Variants in TOP1 observed in about 807,000 individuals in gnomAD.
TOP1 encodes the protein DNA topoisomerase 1.
In TOP1, 10 loss-of-function variants were observed where a neutral mutation model predicts 111.1. The observed-to-expected ratio is 0.09, with a 90% CI of 0.06 to 0.15. TOP1 has a LOEUF of 0.15. TOP1 is among the 10% of genes least tolerant of loss of function. The pLI is 1.00. For missense variants in TOP1, 474 were observed against 926.7 expected (o/e 0.51, Z 6.34); for synonymous variants, 271 against 302.9 (o/e 0.89, Z 1.10).
chr20:41,114,291 G>A lies in TOP1; in HGVS notation c.1638+136G>A. 1.4e-6 allele frequency: 1 copy of A among 719,054 alleles called. No individual in the cohort carries two copies. Among genetic ancestry groups the A allele is most frequent in the Non-Finnish European group, 2.3e-6 (1 of 427,646 alleles). The allele number at this position is 719,054 out of a possible 1,614,324, so 44.5% of individuals were successfully genotyped here. On this transcript the variant is annotated intron_variant, in intron 15 of 20. Transcript: ENST00000361337. The surrounding 1 kb of genome is among the most constrained non-coding windows in gnomAD (Gnocchi z 4.5). ...GAGACAGGCAACATGGCACATGCCT[G>A]TAGACCCAGCTATTCAGAAGGCTGA...
rs566727454 is a variant in TOP1, at chr20:41,088,522, A to G, written c.615-3950A>G. 2.2e-4 allele frequency among the ~76,000 whole-genome samples: 34 copies of G among 152,222 alleles called. No homozygotes were observed. The South Asian group carries it at 5.4e-3, about 24-fold the overall frequency. On this transcript the variant is annotated intron_variant, in intron 8 of 20. Coordinates refer to ENST00000361337, the MANE Select transcript of TOP1 (RefSeq NM_003286.4). ...TGTCTCAAAAAATAAATAAATAAAT[A>G]AAAACACTGTAGTCGATGAGAAGAA...
chr20:41,114,163 A>C lies in TOP1; in HGVS notation c.1638+8A>C. On this transcript the variant is annotated splice_region_variant and intron_variant, in intron 15 of 20. Transcript: ENST00000361337. The surrounding 1 kb of genome is among the most constrained non-coding windows in gnomAD (Gnocchi z 4.5). The stretch of plus-strand genomic sequence containing the variant: ...GTCCCTGTTGAGAAACGAGTAAGTT[A>C]ATGTACCTGTACTGTCTGACTTGTT... 6.2e-7 allele frequency: 1 copy of C among 1,609,234 alleles called. No homozygotes were observed.
rs550004782 is a variant in TOP1 at position 41,114,334 on chromosome 20, A to G, written c.1638+179A>G. 1.3e-5 allele frequency among the ~76,000 whole-genome samples: 2 copies of G among 152,240 alleles called. No homozygotes were observed. Among genetic ancestry groups the G allele is most frequent in the Non-Finnish European group, 2.9e-5 (2 of 68,040 alleles). On this transcript the variant is annotated intron_variant, in intron 15 of 20. Coordinates refer to ENST00000361337, the MANE Select transcript of TOP1 (RefSeq NM_003286.4). This position sits in a 1 kb window ranked among gnomAD's most constrained non-coding sequence, Gnocchi z 4.5. ...AAGGCTGAGACAGGAGGATCACTGG[A>G]GACCAAAAGTTTGAGGCTGTAGTGT... is the stretch of plus-strand genomic sequence containing the variant.
chr20:41,048,118 G>C (rs1349438004), intron 2 of TOP1, among the ~76,000 whole-genome samples: 1 of 149,856 alleles, frequency 6.7e-6, no homozygotes, highest in Non-Finnish European at 1.5e-5. Flanking sequence ...AAATTCCCCA[G>C]AGGCTGACTC....
At chr20:41,065,876 G>T (rs2033600441) in intron 3 of TOP1, among the ~76,000 whole-genome samples, 1 of 151,912 alleles carries the variant, frequency 6.6e-6, no homozygotes. Flanking sequence ...CATTCTCCGG[G>T]GTGTATACCT....
intron 18 of TOP1, among the ~76,000 whole-genome samples, chr20:41,119,432 T>C (rs1485573213): frequency 1.3e-5 from 2 of 152,180 alleles, no homozygotes; most frequent in East Asian, 3.8e-4. Flanking sequence ...CTGGGCAACA[T>C]AGTGAGACCC....
In TOP1 at chr20:41,077,637, G is replaced by C; in HGVS notation, c.335G>C (p.Ser112Thr). The C allele has an allele frequency of 6.2e-7, 1 of 1,613,972 alleles. No homozygotes were observed. The highest frequency in any genetic ancestry group is 8.5e-7 in the Non-Finnish European group (1 of 1,179,818). ...IKKEKENGFSSPPQIKDEPED... is the reference protein window; with the variant it reads ...IKKEKENGFSTPPQIKDEPED... ...AAGGAGAAGGAAAATGGCTTCTCTA[G>C]GTAAGACTTTGCTGCTGCGTGGGCT... Residue 112 changes from serine (S) to threonine (T), a missense_variant and splice_region_variant, in exon 5 of 21, where the codon AGT becomes ACT. Transcript: ENST00000361337.
intron 2 of TOP1, among the ~76,000 whole-genome samples, chr20:41,040,329 A>C (rs1341170102): frequency 6.6e-6 from 1 of 152,254 alleles, no homozygotes. Context: ...CCTTAATCAT[A>C]CAGTCAGTGC....
chr20:41,044,635 T>C (rs545270683), intron 2 of TOP1, among the ~76,000 whole-genome samples: 1 of 152,346 alleles, frequency 6.6e-6, no homozygotes, highest in South Asian at 2.1e-4. Flanking sequence ...AGTCCTTGAC[T>C]GGGCTGCAAT....
intron 2 of TOP1, among the ~76,000 whole-genome samples, chr20:41,052,261 G>A (rs1161440237): frequency 6.6e-6 from 1 of 152,128 alleles, no homozygotes; most frequent in Non-Finnish European, 1.5e-5. Context: ...TCCTTCAGAG[G>A]TCCCTAAAGG....
In TOP1 at chr20:41,112,426, C is replaced by G. The variant is rs771942268; in HGVS notation, c.1309-356C>G. Among the ~76,000 whole-genome samples the G allele has an allele frequency of 1.3e-5, 2 of 152,192 alleles. No individual in the cohort carries two copies. The highest frequency in any genetic ancestry group is 2.9e-5 in the Non-Finnish European group (2 of 68,024). On this transcript the variant is annotated intron_variant, in intron 13 of 20. Coordinates refer to ENST00000361337, the MANE Select transcript of TOP1 (RefSeq NM_003286.4). This position sits in a 1 kb window ranked among gnomAD's most constrained non-coding sequence, Gnocchi z 5.8. The stretch of plus-strand genomic sequence containing the variant: ...TTAGAGAATTAGAGCTAGAAACTTT[C>G]TTCTGGGAAAGCCTTAGAAGTCAGT...
intron 17 of TOP1, among the ~76,000 whole-genome samples, chr20:41,117,746 A>G (rs1438997482): frequency 6.6e-6 from 1 of 151,856 alleles, no homozygotes; most frequent in Non-Finnish European, 1.5e-5. Flanking sequence ...CATTGGGTGG[A>G]GAGGTGGGGA....
intron 2 of TOP1, among the ~76,000 whole-genome samples, chr20:41,048,238 T>C (rs1223334126): frequency 6.6e-6 from 1 of 152,164 alleles, no homozygotes; most frequent in East Asian, 1.9e-4. Context: ...GCTATTAATA[T>C]TGCTCAGAAG....
chr20:41,085,987 G>A (rs1336439606), intron 8 of TOP1, among the ~76,000 whole-genome samples: 1 of 152,186 alleles, frequency 6.6e-6, no homozygotes, highest in Non-Finnish European at 1.5e-5. Flanking sequence ...AAAAGGCCAG[G>A]CACAGTGGCT....
Position 41,118,093 on chromosome 20 carries a change from C to T in TOP1, c.1823-76C>T, listed in dbSNP as rs1600604752. The T allele has an allele frequency of 4.0e-6, 6 of 1,498,996 alleles. No individual in the cohort carries two copies. Among genetic ancestry groups the T allele is most frequent in the Non-Finnish European group, 5.4e-6 (6 of 1,107,236 alleles). The allele number at this position is 1,498,996 out of a possible 1,614,324, so 92.9% of individuals were successfully genotyped here. A position where few individuals can be genotyped will look rare whatever the true frequency, so the allele number is the denominator to read the frequency against. On this transcript the variant is annotated intron_variant, in intron 17 of 20. Coordinates refer to ENST00000361337, the MANE Select transcript of TOP1 (RefSeq NM_003286.4). The surrounding 1 kb of genome is among the most constrained non-coding windows in gnomAD (Gnocchi z 4.6). ...CCAGCAAAATCATGGGGACGAGGCACTGGGGGAAGACATACTGTGTGTTCA... is the reference window on the plus strand; with the variant it reads ...CCAGCAAAATCATGGGGACGAGGCATTGGGGGAAGACATACTGTGTGTTCA...
At chr20:41,090,012 C>T (rs1600582819) in intron 8 of TOP1, among the ~76,000 whole-genome samples, 1 of 151,986 alleles carries the variant, frequency 6.6e-6, no homozygotes, top group African/African-American at 2.4e-5. Context: ...CTTGCTCTGT[C>T]GCCCAGGCTG....
In TOP1 at chr20:41,115,415, G is replaced by T; in HGVS notation, c.1683G>T (p.Glu561Asp). 1 of 1,613,370 alleles carries T rather than the reference G, an allele frequency of 6.2e-7. No individual in the cohort carries two copies. The highest frequency in any genetic ancestry group is 8.5e-7 in the Non-Finnish European group (1 of 1,179,496). The change falls in exon 16 of 21, where the codon GAG (glutamate) becomes GAT (aspartate). Residue 561 changes from glutamate (E) to aspartate (D), a missense_variant. Physicochemically the swap from Glu to Asp is conservative, Grantham distance 45. This residue lies in a region of TOP1 where 18 missense variants were observed against 88.6 expected (regional missense o/e 0.20). Transcript: ENST00000361337. This position sits in a 1 kb window ranked among gnomAD's most constrained non-coding sequence, Gnocchi z 6.3. ...TATTTATGGAGAACAAGCAGCCCGA[G>T]GATGATCTTTTTGATAGACTCAATG... ...LQLFMENKQP[E>D]DDLFDRLNTG...
intron 3 of TOP1, chr20:41,072,232 C>G: frequency 1.0e-6 from 1 of 985,108 alleles, no homozygotes; most frequent in Non-Finnish European, 1.2e-6. Flanking sequence ...CCTTTTGTGA[C>G]TTTGACATAT....
chr20:41,121,287 A>AAG lies in TOP1; in HGVS notation c.1951-406_1951-405dup, dbSNP rs1473700645. 6.6e-6 allele frequency among the ~76,000 whole-genome samples: 1 copy of AAG among 152,090 alleles called. No individual in the cohort carries two copies. The highest frequency in any genetic ancestry group is 1.5e-5 in the Non-Finnish European group (1 of 68,008). ...GCAAGTATCCTGCTTCAGTTTCCTA[A>AAG]AGAGGAGCTCCTACAGTGTTCTTAG... On this transcript the variant is annotated intron_variant, in intron 18 of 20. Transcript: ENST00000361337. The surrounding 1 kb of genome is among the most constrained non-coding windows in gnomAD (Gnocchi z 4.2).
Sources: allele counts gnomAD v4.1 joint callset (sites outside exome capture counted in the v4.1 genomes callset), GRCh38; gene constraint gnomAD v4.1.1; regional missense constraint gnomAD v4.1.1; non-coding constraint Gnocchi (gnomAD v3.1); transcripts MANE v1.5; gene names NCBI Gene and HGNC (gene_info 2026-07-23, HGNC 2026-07-21).